The following SOX5 variants were observed in gnomAD, a reference collection of about 807,000 sequenced individuals.
The protein encoded by SOX5 is SRY-box transcription factor 5.
SOX5 carries 9 observed loss-of-function variants against 92.0 expected under a neutral mutation model. That is an observed-to-expected ratio of 0.10 (90% CI 0.06 to 0.17). The LOEUF (loss-of-function observed/expected upper bound fraction) is 0.17. Ranked by LOEUF, SOX5 falls within the 10% of genes least tolerant of loss-of-function variation. SOX5 has a pLI of 1.00. For missense variants in SOX5, 642 were observed against 944.5 expected, an observed-to-expected ratio of 0.68 and a Z score of 4.20; for synonymous variants, 344 against 336.3, an observed-to-expected ratio of 1.02 and a Z score of -0.25.
At chr12:23,788,528 G>A (rs924446333) in intron 3 of SOX5, among the ~76,000 whole-genome samples, 1 of 151,732 alleles carries the variant, frequency 6.6e-6, no homozygotes, top group Non-Finnish European at 1.5e-5. Context: ...TAATGTCAAA[G>A]CACGGTTTAA....
At chr12:24,262,236 C>G (rs879738080) in intron 3 of SOX5, among the ~76,000 whole-genome samples, 64 of 152,160 alleles carry the variant, frequency 4.2e-4, no homozygotes, top group Non-Finnish European at 6.5e-4. Flanking sequence ...TTGTATGGGA[C>G]TCTTTCTTAC....
chr12:23,580,625 T>C (rs1412491557), intron 9 of SOX5, among the ~76,000 whole-genome samples: 1 of 152,110 alleles, frequency 6.6e-6, no homozygotes, highest in Non-Finnish European at 1.5e-5. Context: ...ACTCATGATA[T>C]AACTTCTTCT....
chr12:24,109,384 C>T (rs963168243), intron 4 of SOX5, among the ~76,000 whole-genome samples: 11 of 151,750 alleles, frequency 7.2e-5, no homozygotes, highest in African/African-American at 2.7e-4. Flanking sequence ...GTTGCACCAA[C>T]TTTTGTTTAA....
chr12:24,091,493 G>A (rs977810338), intron 4 of SOX5, among the ~76,000 whole-genome samples: 4 of 146,116 alleles, frequency 2.7e-5, no homozygotes, highest in South Asian at 2.2e-4. Context: ...GCAGTGGCGC[G>A]ATCTCGGCTC....
chr12:23,769,708 ATC>A (rs2094859628), intron 3 of SOX5, among the ~76,000 whole-genome samples: 1 of 152,156 alleles, frequency 6.6e-6, no homozygotes, highest in African/African-American at 2.4e-5. Flanking sequence ...CAACTCTGTG[ATC>A]TTCTCTTTGC....
At chr12:24,053,178 GC>G (rs142757056) in intron 4 of SOX5, among the ~76,000 whole-genome samples, 19,664 of 136,742 alleles carry the variant, frequency 0.14, 1,788 homozygotes, top group Non-Finnish European at 0.21. Flanking sequence ...GCTACTGCAC[GC>G]CCCCCCCCTT....
Position 23,665,559 on chromosome 12 carries a change from T to C in SOX5, c.816A>G (p.Gln272=). ...INLLQQQIQV[Q]GQLPPLMIPV... The stretch of plus-strand genomic sequence containing the variant: ...GAATCATTAATGGCGGCAGCTGACC[T>C]TGAACCTGCTGAACGTGATAGAGCG... Residue 272 remains glutamine (Q), a synonymous_variant, in exon 7 of 15, where the codon CAA becomes CAG. Transcript: ENST00000451604. The C allele has an allele frequency of 6.2e-7, 1 of 1,612,390 alleles. No individual in the cohort carries two copies. The highest frequency in any genetic ancestry group is 8.5e-7 in the Non-Finnish European group (1 of 1,179,084).
At chr12:24,096,157 G>A (rs1024284091) in intron 4 of SOX5, among the ~76,000 whole-genome samples, 1 of 152,076 alleles carries the variant, frequency 6.6e-6, no homozygotes, top group African/African-American at 2.4e-5. Flanking sequence ...TGGGGTACAT[G>A]TGCAGAACAT....
At chr12:24,359,214 T>C (rs1361659642) in intron 2 of SOX5, among the ~76,000 whole-genome samples, 2 of 152,210 alleles carry the variant, frequency 1.3e-5, no homozygotes, top group African/African-American at 4.8e-5. Flanking sequence ...AATACAAACT[T>C]AGTTACCTGA....
intron 4 of SOX5, among the ~76,000 whole-genome samples, chr12:24,035,594 G>A (rs867619305): frequency 6.6e-6 from 1 of 151,992 alleles, no homozygotes; most frequent in East Asian, 1.9e-4. Context: ...TCCAGGAATA[G>A]TGATCATAAA....
At chr12:24,479,810 C>A (rs570509695) in intron 1 of SOX5, among the ~76,000 whole-genome samples, 14 of 152,054 alleles carry the variant, frequency 9.2e-5, no homozygotes, top group African/African-American at 3.4e-4. Context: ...GGACTGCAGG[C>A]GCCCACCACC....
chr12:24,095,388 C>A (rs528510687), intron 4 of SOX5, among the ~76,000 whole-genome samples: 3 of 151,532 alleles, frequency 2.0e-5, no homozygotes, highest in African/African-American at 4.8e-5. Flanking sequence ...ATACAAAGTT[C>A]GGGGAAGTTT....
intron 4 of SOX5, among the ~76,000 whole-genome samples, chr12:24,009,306 T>C (rs1195463433): frequency 6.6e-6 from 1 of 152,206 alleles, no homozygotes; most frequent in Non-Finnish European, 1.5e-5. Context: ...AATGTAGCTA[T>C]AGATAAACAG....
At chr12:24,416,442 A>G (rs1015676713) in intron 1 of SOX5, among the ~76,000 whole-genome samples, 10 of 152,218 alleles carry the variant, frequency 6.6e-5, no homozygotes, top group Admixed American at 1.3e-4. Context: ...GCAAACTAAC[A>G]TCTGAAATGT....
At chr12:24,081,670 C>T (rs891452395) in intron 4 of SOX5, among the ~76,000 whole-genome samples, 10 of 151,926 alleles carry the variant, frequency 6.6e-5, no homozygotes, top group East Asian at 3.9e-4. Context: ...ACTCTCTGCA[C>T]GGAACGTCAC....
intron 1 of SOX5, among the ~76,000 whole-genome samples, chr12:24,468,808 A>G (rs1944488647): frequency 6.6e-6 from 1 of 152,176 alleles, no homozygotes; most frequent in Non-Finnish European, 1.5e-5. Context: ...GTTTTTTAAA[A>G]AAAGAAATAC....
intron 4 of SOX5, among the ~76,000 whole-genome samples, chr12:24,038,211 G>C (rs555494047): frequency 2.0e-5 from 3 of 152,200 alleles, no homozygotes; most frequent in Non-Finnish European, 4.4e-5. Flanking sequence ...GAATGTGGAA[G>C]TTTCTTCAGA....
At chr12:24,012,562 T>C (rs1953070526) in intron 4 of SOX5, among the ~76,000 whole-genome samples, 1 of 152,220 alleles carries the variant, frequency 6.6e-6, no homozygotes, top group South Asian at 2.1e-4. Flanking sequence ...CTCATCCTCA[T>C]AACTCCATGA....
At chr12:23,563,511 A>C in intron 10 of SOX5, 108 bp from the exon 11 acceptor site, 1 of 855,196 alleles carries the variant, frequency 1.2e-6, no homozygotes, top group Admixed American at 2.6e-5. Context: ...CTGGCCTATA[A>C]TGATTTCTCC....
Sources: allele counts gnomAD v4.1 joint callset (sites outside exome capture counted in the v4.1 genomes callset), GRCh38; gene constraint gnomAD v4.1.1; transcripts MANE v1.5; gene names NCBI Gene and HGNC (gene_info 2026-07-23, HGNC 2026-07-21).